The following ADAMTSL3 variants were observed in gnomAD, a reference collection of about 807,000 sequenced individuals.
ADAMTSL3 encodes the protein ADAMTS like 3.
In ADAMTSL3, 128 loss-of-function variants were observed where a neutral mutation model predicts 201.7. The observed-to-expected ratio is 0.63, with a 90% CI of 0.55 to 0.73. The LOEUF (loss-of-function observed/expected upper bound fraction) is 0.73. Ranked by LOEUF, ADAMTSL3 falls within the 30% of genes least tolerant of loss-of-function variation. ADAMTSL3 has a pLI of 0.00. For synonymous variants in ADAMTSL3, 738 were observed against 748.4 expected (o/e 0.99, Z 0.23); for missense variants, 1,990 against 2,119.6 (o/e 0.94, Z 1.20).
chr15:83,757,236 C>T (rs1448020569), intron 3 of ADAMTSL3, among the ~76,000 whole-genome samples: 1 of 152,236 alleles, frequency 6.6e-6, no homozygotes, highest in Non-Finnish European at 1.5e-5. Context: ...GAGGGCTTGC[C>T]CCTGCTGCAA....
intron 3 of ADAMTSL3, among the ~76,000 whole-genome samples, chr15:83,747,550 C>A (rs920233389): frequency 6.6e-6 from 1 of 152,170 alleles, no homozygotes; most frequent in South Asian, 2.1e-4. Context: ...TGGAAGTGAC[C>A]CTGTGCCCTG....
chr15:84,027,225 A>G (rs1413788624), intron 27 of ADAMTSL3, among the ~76,000 whole-genome samples: 2 of 152,234 alleles, frequency 1.3e-5, no homozygotes, highest in African/African-American at 4.8e-5. Context: ...AGAGATAGTG[A>G]CAAATGTTGA....
chr15:83,700,028 A>G (rs2061749099), intron 2 of ADAMTSL3, among the ~76,000 whole-genome samples: 1 of 152,244 alleles, frequency 6.6e-6, no homozygotes, highest in South Asian at 2.1e-4. Context: ...CCATGAAAAT[A>G]GGAACCTGAT....
chr15:83,986,433 G>C (rs1250792129), intron 21 of ADAMTSL3, among the ~76,000 whole-genome samples: 1 of 152,104 alleles, frequency 6.6e-6, no homozygotes, highest in Non-Finnish European at 1.5e-5. Flanking sequence ...TTTTGACATG[G>C]TACATCCTCC....
At chr15:84,037,161 G>A (rs2068527368) in intron 29 of ADAMTSL3, among the ~76,000 whole-genome samples, 174 bp downstream of exon 29, 1 of 152,164 alleles carries the variant, frequency 6.6e-6, no homozygotes, top group African/African-American at 2.4e-5. Context: ...ACTCCTTTAT[G>A]TGGGTGCAGC....
At chr15:83,891,461 G>T (rs2065497161) in intron 12 of ADAMTSL3, 82 bp downstream of exon 12, 2 of 1,148,886 alleles carry the variant, frequency 1.7e-6, no homozygotes, top group African/African-American at 3.0e-5. Flanking sequence ...AGCCTAAAAT[G>T]TATGAGGGTT....
chr15:83,687,382 A>G (rs1451291577), intron 2 of ADAMTSL3, among the ~76,000 whole-genome samples: 5 of 152,120 alleles, frequency 3.3e-5, no homozygotes, highest in Non-Finnish European at 4.4e-5. Context: ...TCAAGTACTT[A>G]TTTTACATTT....
chr15:83,782,404 G>A (rs188723771), intron 4 of ADAMTSL3, among the ~76,000 whole-genome samples: 1 of 152,278 alleles, frequency 6.6e-6, no homozygotes, highest in Non-Finnish European at 1.5e-5. Flanking sequence ...TTGAACATGG[G>A]AGGTGGATGT....
intron 17 of ADAMTSL3, among the ~76,000 whole-genome samples, chr15:83,925,394 C>T (rs990339088): frequency 2.0e-5 from 3 of 152,148 alleles, no homozygotes; most frequent in Admixed American, 6.5e-5. Flanking sequence ...TCTGGCTGTG[C>T]GTGGTTGAGG....
intron 6 of ADAMTSL3, among the ~76,000 whole-genome samples, chr15:83,823,853 C>T (rs1190851986): frequency 6.6e-6 from 1 of 152,082 alleles, no homozygotes; most frequent in Non-Finnish European, 1.5e-5. Context: ...ATCCACCTCC[C>T]TGCCCTTTTA....
At chr15:83,923,807 A>T (rs1244558340) in intron 16 of ADAMTSL3, 97 bp from the exon 17 acceptor site, 5 of 1,406,960 alleles carry the variant, frequency 3.6e-6, no homozygotes, top group East Asian at 4.7e-5. Context: ...TCAAAAGGGC[A>T]GTATGCTAAG....
chr15:84,029,175 A>G (rs556601353), intron 27 of ADAMTSL3, among the ~76,000 whole-genome samples: 1 of 152,356 alleles, frequency 6.6e-6, no homozygotes, highest in East Asian at 1.9e-4. Context: ...GAACTGGGTA[A>G]CAGGCACAGA....
At chr15:83,930,734 G>A (rs1245655239) in intron 17 of ADAMTSL3, among the ~76,000 whole-genome samples, 3 of 152,144 alleles carry the variant, frequency 2.0e-5, no homozygotes, top group South Asian at 4.1e-4. Context: ...CTTTTCAAAG[G>A]TTGAGAGTTA....
chr15:83,677,185 T>A (rs754315328), intron 2 of ADAMTSL3, among the ~76,000 whole-genome samples: 14 of 152,192 alleles, frequency 9.2e-5, no homozygotes, highest in Non-Finnish European at 1.8e-4. Context: ...TTGTTTTGTG[T>A]CCAATAATAT....
chr15:83,823,658 T>C (rs1315320207), intron 6 of ADAMTSL3, among the ~76,000 whole-genome samples: 1 of 152,236 alleles, frequency 6.6e-6, no homozygotes, highest in East Asian at 1.9e-4. Flanking sequence ...CTTTCTGTTC[T>C]GTTCTCCGAG....
chr15:83,804,642 T>G lies in ADAMTSL3; in HGVS notation c.318-8T>G. ...TATTTCTTCTTTCTTCTTTCTTTTTTCCTTTAGGAATTGTGAAGGGCAGAA... is the reference window on the plus strand; with the variant it reads ...TATTTCTTCTTTCTTCTTTCTTTTTGCCTTTAGGAATTGTGAAGGGCAGAA... On this transcript the variant is annotated splice_region_variant and splice_polypyrimidine_tract_variant and intron_variant, in intron 4 of 29. Transcript: ENST00000286744. 6.5e-7 allele frequency: 1 copy of G among 1,547,564 alleles called. No individual in the cohort carries two copies. The highest frequency in any genetic ancestry group is 2.3e-5 in the East Asian group (1 of 44,006).
intron 4 of ADAMTSL3, among the ~76,000 whole-genome samples, chr15:83,799,594 A>G (rs1436406479): frequency 1.3e-5 from 2 of 152,214 alleles, no homozygotes; most frequent in African/African-American, 2.4e-5. Context: ...TCAAATGAAT[A>G]TAATAAATTA....
chr15:83,865,011 G>C (rs549219603), intron 8 of ADAMTSL3, among the ~76,000 whole-genome samples: 30 of 152,132 alleles, frequency 2.0e-4, no homozygotes, highest in African/African-American at 5.1e-4. Context: ...CTCCCATTCA[G>C]AATTGCTTCA....
In ADAMTSL3 at chr15:83,777,407, G is replaced by C. The variant is rs141350272; in HGVS notation, c.317+3757G>C. On this transcript the variant is annotated intron_variant, in intron 4 of 29. Coordinates refer to ENST00000286744, the MANE Select transcript of ADAMTSL3 (RefSeq NM_207517.3). ...CCAAAAACATTTTGGCCCCTGCAGTGCAGTGGATTCCTAACATCAAGGAGC... is the reference window on the plus strand; with the variant it reads ...CCAAAAACATTTTGGCCCCTGCAGTCCAGTGGATTCCTAACATCAAGGAGC... Among the ~76,000 whole-genome samples, 807 of 152,322 alleles carry C rather than the reference G, an allele frequency of 5.3e-3. 11 individuals are homozygous for C. The highest frequency in any genetic ancestry group is 0.019 in the African/African-American group (775 of 41,574).
Sources: gnomAD v4.1 joint callset for allele counts (sites outside exome capture counted in the v4.1 genomes callset) on GRCh38, gnomAD v4.1.1 for gene constraint, MANE v1.5 for transcripts, NCBI Gene and HGNC (gene_info 2026-07-23, HGNC 2026-07-21) for gene names.